C12orf50: variants seen among roughly 807,000 people sequenced by gnomAD.
The protein encoded by C12orf50 is uncharacterized protein C12orf50.
A neutral mutation model predicts 61.6 loss-of-function variants in C12orf50; 35 were observed. That is an observed-to-expected ratio of 0.57 (90% CI 0.43 to 0.75). C12orf50 has a LOEUF of 0.75. Among genes scored for constraint, C12orf50 ranks in the 30% least tolerant of loss-of-function variants. The pLI is 0.00. For synonymous variants in C12orf50, 178 were observed against 161.5 expected, an observed-to-expected ratio of 1.10 and a Z score of -0.77; for missense variants, 475 against 488.5, an observed-to-expected ratio of 0.97 and a Z score of 0.26.
chr12:87,984,980 T>A (rs1048052227), intron 11 of C12orf50: 1 of 152,144 alleles, frequency 6.6e-6, no homozygotes, highest in Admixed American at 6.5e-5. Flanking sequence ...TATATCATTC[T>A]ATTTTAAAGC....
intron 3 of C12orf50, among the ~76,000 whole-genome samples, chr12:88,021,855 C>A (rs1592685366): frequency 6.6e-6 from 1 of 151,898 alleles, no homozygotes; most frequent in East Asian, 1.9e-4. Flanking sequence ...AAGAAAAAGC[C>A]TACCAACCAA....
chr12:88,025,768 C>A (rs1232870526), intron 3 of C12orf50, among the ~76,000 whole-genome samples: 1 of 151,944 alleles, frequency 6.6e-6, no homozygotes, highest in Non-Finnish European at 1.5e-5. Context: ...AAACAAAAAA[C>A]CATTCCATCA....
chr12:88,011,270 C>G (rs1192806229), intron 3 of C12orf50, among the ~76,000 whole-genome samples: 1 of 151,866 alleles, frequency 6.6e-6, no homozygotes, highest in Non-Finnish European at 1.5e-5. Flanking sequence ...TGAGGATGAC[C>G]CCTGGGACCC....
intron 4 of C12orf50, 51 bp downstream of exon 4, chr12:87,997,984 A>T (rs774273000): frequency 1.4e-6 from 2 of 1,461,766 alleles, no homozygotes; most frequent in South Asian, 2.6e-5. Context: ...ATATGTAAAA[A>T]ATGTGAGGTT....
intron 8 of C12orf50, among the ~76,000 whole-genome samples, chr12:87,988,539 A>G (rs552734861): frequency 6.6e-6 from 1 of 152,310 alleles, no homozygotes; most frequent in East Asian, 1.9e-4. Context: ...CTACCATATT[A>G]GTATAGCTTT....
rs1267571012 is a variant in C12orf50 at position 88,027,035 on chromosome 12, G to A, written c.-73C>T. The A allele has an allele frequency of 1.2e-6, 2 of 1,613,182 alleles. No individual in the cohort carries two copies. Among genetic ancestry groups the A allele is most frequent in the Non-Finnish European group, 1.7e-6 (2 of 1,179,762 alleles). On this transcript the variant is annotated 5_prime_UTR_variant, in exon 2 of 13. Transcript: ENST00000298699. The stretch of plus-strand genomic sequence containing the variant: ...ATGAGCACACAGTGTCACTGCCAAG[G>A]GCCTCTTCACAGTGTCGGAATCGGC...
intron 3 of C12orf50, among the ~76,000 whole-genome samples, chr12:88,025,734 G>A (rs1012502989): frequency 2.0e-4 from 30 of 152,044 alleles, no homozygotes; most frequent in African/African-American, 6.3e-4. Flanking sequence ...GCGAGACTCC[G>A]TCTCAAAAAA....
intron 12 of C12orf50, among the ~76,000 whole-genome samples, chr12:87,980,833 C>T (rs557333597): frequency 6.6e-6 from 1 of 152,272 alleles, no homozygotes; most frequent in South Asian, 2.1e-4. Flanking sequence ...CAAAAGGCTT[C>T]TCCTGTCCGC....
At chr12:87,980,576 T>G (rs954347745) in intron 12 of C12orf50, among the ~76,000 whole-genome samples, 4 of 152,156 alleles carry the variant, frequency 2.6e-5, no homozygotes, top group Non-Finnish European at 4.4e-5. Flanking sequence ...AGAATGGAAG[T>G]GACACCGTAT....
chr12:87,993,321 T>C (rs769811639), intron 7 of C12orf50, among the ~76,000 whole-genome samples: 1 of 152,240 alleles, frequency 6.6e-6, no homozygotes, highest in African/African-American at 2.4e-5. Flanking sequence ...TCTGATTTAA[T>C]GATATTTCAA....
At chr12:88,013,770 A>T (rs1460657296) in intron 3 of C12orf50, among the ~76,000 whole-genome samples, 1 of 152,222 alleles carries the variant, frequency 6.6e-6, no homozygotes, top group Non-Finnish European at 1.5e-5. Flanking sequence ...AAAATGTCTT[A>T]AAAAGTTGGG....
chr12:87,985,046 A>G (rs980123619), intron 11 of C12orf50: 1 of 152,110 alleles, frequency 6.6e-6, no homozygotes. Context: ...AAAGAAATAT[A>G]TATACCTACT....
chr12:88,018,184 C>A (rs2032380935), intron 3 of C12orf50, among the ~76,000 whole-genome samples: 1 of 152,196 alleles, frequency 6.6e-6, no homozygotes, highest in Admixed American at 6.5e-5. Context: ...TGGGCTAGGC[C>A]CAGGGTCCCC....
At chr12:87,999,570 A>G (rs1437892286) in intron 3 of C12orf50, among the ~76,000 whole-genome samples, 1 of 152,226 alleles carries the variant, frequency 6.6e-6, no homozygotes, top group Non-Finnish European at 1.5e-5. Flanking sequence ...TGCAGTTGGG[A>G]ATGAAAAATG....
At chr12:88,004,440 C>T (rs2031775786) in intron 3 of C12orf50, among the ~76,000 whole-genome samples, 2 of 152,210 alleles carry the variant, frequency 1.3e-5, no homozygotes, top group Admixed American at 6.5e-5. Context: ...TGCTTATACA[C>T]TGCTAGTGGG....
chr12:88,003,078 C>G (rs982919685), intron 3 of C12orf50, among the ~76,000 whole-genome samples: 4 of 151,618 alleles, frequency 2.6e-5, no homozygotes, highest in African/African-American at 9.7e-5. Context: ...CTTAAAGGAG[C>G]TAAGAGGGGA....
At chr12:87,997,160 G>A (rs1052157508) in intron 4 of C12orf50, among the ~76,000 whole-genome samples, 2 of 152,070 alleles carry the variant, frequency 1.3e-5, no homozygotes, top group African/African-American at 4.8e-5. Flanking sequence ...CAAAAGACAT[G>A]GGTCCTAAGC....
chr12:87,997,992 GT>G (rs758673525), intron 4 of C12orf50, 42 bp downstream of exon 4: 1 of 1,519,498 alleles, frequency 6.6e-7, no homozygotes, highest in Admixed American at 1.8e-5. Context: ...AAAATGTGAG[GT>G]TTTTGAATGT....
intron 7 of C12orf50, among the ~76,000 whole-genome samples, chr12:87,991,745 T>C (rs10858677): frequency 0.12 from 18,254 of 152,076 alleles, 1,308 homozygotes; most frequent in African/African-American, 0.2. Context: ...AAAATACTAA[T>C]TGTGGGTAAG....
Sources: gnomAD v4.1 joint callset for allele counts (sites outside exome capture counted in the v4.1 genomes callset) on GRCh38, gnomAD v4.1.1 for gene constraint, MANE v1.5 for transcripts, NCBI Gene and HGNC (gene_info 2026-07-23, HGNC 2026-07-21) for gene names.